The following KIF1B variants were observed in gnomAD, a reference collection of about 807,000 sequenced individuals.
The protein encoded by KIF1B is kinesin family member 1B, also known as kinesin-like protein KIF1B.
In KIF1B, 76 loss-of-function variants were observed where a neutral mutation model predicts 241.9. That is an observed-to-expected ratio of 0.31 (90% confidence interval 0.26 to 0.38). KIF1B has a LOEUF of 0.38. KIF1B is among the 10% of genes least tolerant of loss of function. KIF1B has a pLI of 1.00. For synonymous variants in KIF1B, 750 were observed against 796.7 expected, an observed-to-expected ratio of 0.94 and a Z score of 0.99; for missense variants, 1,622 against 2,271.4, an observed-to-expected ratio of 0.71 and a Z score of 5.81.
intron 2 of KIF1B, among the ~76,000 whole-genome samples, chr1:10,234,691 T>C (rs1370378470): frequency 6.6e-6 from 1 of 151,696 alleles, no homozygotes; most frequent in Non-Finnish European, 1.5e-5. Context: ...CTGGCTAGTT[T>C]TTTTCTATTT....
intron 35 of KIF1B, among the ~76,000 whole-genome samples, chr1:10,347,302 T>C (rs59211028): frequency 0.036 from 5,435 of 152,308 alleles, 120 homozygotes; most frequent in Middle Eastern, 0.13. Flanking sequence ...AAGTGTGGTA[T>C]GTAGTTGTTA....
intron 22 of KIF1B, among the ~76,000 whole-genome samples, chr1:10,311,694 T>C (rs925484367): frequency 2.0e-5 from 3 of 151,384 alleles, no homozygotes; most frequent in African/African-American, 7.4e-5. Context: ...TTGACACAGT[T>C]GTCTGCTCTT....
chr1:10,216,618 A>C (rs1222086911), intron 1 of KIF1B, among the ~76,000 whole-genome samples: 1 of 152,012 alleles, frequency 6.6e-6, no homozygotes, highest in Non-Finnish European at 1.5e-5. Context: ...GGTCTCCCTT[A>C]AATCTGTCTT....
chr1:10,357,775 G>A (rs1440377832), intron 38 of KIF1B, among the ~76,000 whole-genome samples: 2 of 151,898 alleles, frequency 1.3e-5, no homozygotes, highest in Admixed American at 6.6e-5. Flanking sequence ...TTGGGAGGCC[G>A]AGGCGGGTGG....
At chr1:10,240,330 T>G (rs1301353673) in intron 2 of KIF1B, among the ~76,000 whole-genome samples, 3 of 152,096 alleles carry the variant, frequency 2.0e-5, no homozygotes, top group Non-Finnish European at 2.9e-5. Flanking sequence ...TGCCTCAGCC[T>G]CCCAAGTAGC....
intron 1 of KIF1B, among the ~76,000 whole-genome samples, chr1:10,226,231 G>T (rs185924044): frequency 1.6e-4 from 24 of 152,280 alleles, no homozygotes; most frequent in Non-Finnish European, 2.2e-4. Flanking sequence ...ACATTAAAAA[G>T]AAATAGAAAG....
chr1:10,307,148 T>G, intron 22 of KIF1B: 1 of 1,030,096 alleles, frequency 9.7e-7, no homozygotes, highest in South Asian at 4.6e-5. Flanking sequence ...ACCAAGGTTT[T>G]ATTGACTGCC....
At chr1:10,214,746 C>G (rs529730822) in intron 1 of KIF1B, among the ~76,000 whole-genome samples, 1 of 151,836 alleles carries the variant, frequency 6.6e-6, no homozygotes, top group African/African-American at 2.4e-5. Context: ...CCATGCCCAG[C>G]TAATTTTTGT....
intron 22 of KIF1B, among the ~76,000 whole-genome samples, chr1:10,298,364 C>T (rs1650371297): frequency 6.6e-6 from 1 of 152,170 alleles, no homozygotes; most frequent in Non-Finnish European, 1.5e-5. Flanking sequence ...GACTTGAGCA[C>T]AAGCAACCTT....
chr1:10,294,982 C>T (rs1333703751), intron 17 of KIF1B, 104 bp from the exon 18 acceptor site: 10 of 801,674 alleles, frequency 1.2e-5, no homozygotes, highest in Non-Finnish European at 2.0e-5. Context: ...CCTCTCTAGG[C>T]TCTGTGGAGA....
Position 10,304,032 on chromosome 1 carries a change from G to A in KIF1B, c.2115+6786G>A, listed in dbSNP as rs371725272. ...TTCGTCGGCAGAATGTACCTCATAGGTTCATCCCTCCTGAGAACCGGAAGC... is the reference window on the plus strand; with the variant it reads ...TTCGTCGGCAGAATGTACCTCATAGATTCATCCCTCCTGAGAACCGGAAGC... On this transcript the variant is annotated intron_variant, in intron 22 of 48. Coordinates refer to ENST00000676179, the MANE Select transcript of KIF1B (RefSeq NM_001365951.3). The A allele has an allele frequency of 3.1e-6, 5 of 1,611,688 alleles. No individual in the cohort carries two copies. In the African/African-American group the frequency reaches 5.4e-5, roughly 17 times the overall value.
At chr1:10,225,579 C>T (rs1300408957) in intron 1 of KIF1B, among the ~76,000 whole-genome samples, 1 of 152,054 alleles carries the variant, frequency 6.6e-6, no homozygotes, top group Non-Finnish European at 1.5e-5. Flanking sequence ...TGGAGAGAAT[C>T]CATCAAGACT....
intron 32 of KIF1B, among the ~76,000 whole-genome samples, chr1:10,340,330 C>T (rs1652344867): frequency 6.6e-6 from 1 of 152,200 alleles, no homozygotes; most frequent in South Asian, 2.1e-4. Flanking sequence ...AACTGTATTC[C>T]TACGTGGAGT....
At chr1:10,351,941 C>G (rs1426505609) in intron 37 of KIF1B, among the ~76,000 whole-genome samples, 1 of 151,916 alleles carries the variant, frequency 6.6e-6, no homozygotes, top group African/African-American at 2.4e-5. Flanking sequence ...CCACTGCTCT[C>G]CAGCCTGGGA....
intron 27 of KIF1B, among the ~76,000 whole-genome samples, chr1:10,327,944 C>T (rs536969838): frequency 9.2e-5 from 14 of 152,130 alleles, no homozygotes; most frequent in Non-Finnish European, 1.5e-4. Flanking sequence ...GTGGCTCACA[C>T]CTGTAATCTC....
intron 2 of KIF1B, among the ~76,000 whole-genome samples, chr1:10,245,348 T>C: frequency 6.6e-6 from 1 of 152,234 alleles, no homozygotes; most frequent in East Asian, 1.9e-4. Context: ...TGGTCAGTTG[T>C]GGTTCATCAG....
At chr1:10,319,529 A>G (rs1651443222) in intron 22 of KIF1B, among the ~76,000 whole-genome samples, 1 of 152,214 alleles carries the variant, frequency 6.6e-6, no homozygotes. Flanking sequence ...AACTCATCCT[A>G]CTGATCAAAG....
intron 2 of KIF1B, among the ~76,000 whole-genome samples, chr1:10,240,137 C>T (rs1031059125): frequency 7.2e-5 from 11 of 152,050 alleles, no homozygotes; most frequent in East Asian, 1.9e-4. Flanking sequence ...CTCCTGACCT[C>T]GTGATCCGCC....
Position 10,379,994 on chromosome 1 carries a change from A to G in KIF1B, c.*3407A>G, listed in dbSNP as rs919416233. On this transcript the variant is annotated 3_prime_UTR_variant, in exon 49 of 49. Coordinates refer to ENST00000676179, the MANE Select transcript of KIF1B (RefSeq NM_001365951.3). ...TTCCCAACTAAGAAACCACTATTAT[A>G]TATTTTTTCCCTTCAGTCACATAGA... is the stretch of plus-strand genomic sequence containing the variant. 3.5e-5 allele frequency: 8 copies of G among 229,210 alleles called. No homozygotes were observed. Among genetic ancestry groups the G allele is most frequent in the South Asian group, 1.8e-4 (1 of 5,494 alleles). The allele number at this position is 229,210 out of a possible 1,614,324, so 14.2% of individuals were successfully genotyped here.
Sources: allele counts gnomAD v4.1 joint callset (sites outside exome capture counted in the v4.1 genomes callset), GRCh38; gene constraint gnomAD v4.1.1; transcripts MANE v1.5; gene names NCBI Gene and HGNC (gene_info 2026-07-23, HGNC 2026-07-21).